The following EPHA6 variants were observed in gnomAD, a reference collection of about 807,000 sequenced individuals.
The protein encoded by EPHA6 is ephrin type-A receptor 6.
A neutral mutation model predicts 112.0 loss-of-function variants in EPHA6; 50 were observed. The ratio of observed to expected loss-of-function variants is 0.45; its 90% CI spans 0.36 to 0.56. The LOEUF (loss-of-function observed/expected upper bound fraction) is 0.56. EPHA6 is among the 20% of genes least tolerant of loss of function. EPHA6 has a pLI of 0.00. For synonymous variants in EPHA6, 529 were observed against 490.7 expected, an observed-to-expected ratio of 1.08 and a Z score of -1.03; for missense variants, 1,280 against 1,417.4, an observed-to-expected ratio of 0.90 and a Z score of 1.56.
intron 11 of EPHA6, among the ~76,000 whole-genome samples, chr3:97,566,954 G>A (rs1333312481): frequency 3.3e-5 from 5 of 152,188 alleles, no homozygotes; most frequent in African/African-American, 9.7e-5. Context: ...GAATGGAGGA[G>A]TAGATTTAAA....
intron 3 of EPHA6, among the ~76,000 whole-genome samples, chr3:97,047,517 A>AG (rs1315330325): frequency 7.3e-5 from 11 of 150,602 alleles, no homozygotes; most frequent in Non-Finnish European, 1.6e-4. Flanking sequence ...AAAAAAAAAA[A>AG]AAAAGAAACC....
intron 3 of EPHA6, among the ~76,000 whole-genome samples, chr3:97,172,487 C>T (rs1289250906): frequency 1.3e-5 from 2 of 152,004 alleles, no homozygotes; most frequent in Non-Finnish European, 2.9e-5. Context: ...GATTCTTACT[C>T]ATTCTAAAAT....
chr3:97,106,556 T>A (rs1356652020), intron 3 of EPHA6, among the ~76,000 whole-genome samples: 2 of 152,144 alleles, frequency 1.3e-5, no homozygotes, highest in African/African-American at 2.4e-5. Flanking sequence ...GAGCTACTTT[T>A]ACTCAGTAAA....
chr3:97,489,651 A>G (rs976687519), intron 10 of EPHA6, among the ~76,000 whole-genome samples: 1 of 150,860 alleles, frequency 6.6e-6, no homozygotes, highest in African/African-American at 2.4e-5. Context: ...GCACCACTGC[A>G]CTCCAGCCTG....
At chr3:97,747,110 G>A (rs2035748999) in intron 16 of EPHA6, among the ~76,000 whole-genome samples, 1 of 151,704 alleles carries the variant, frequency 6.6e-6, no homozygotes, top group African/African-American at 2.4e-5. Context: ...ATAAGAAGAA[G>A]GGGGATAGCA....
At chr3:97,226,182 T>C (rs1448618647) in intron 3 of EPHA6, 82 bp from the exon 4 acceptor site, 2 of 1,121,798 alleles carry the variant, frequency 1.8e-6, no homozygotes, top group Non-Finnish European at 2.5e-6. Flanking sequence ...AATGTGAATA[T>C]AAATTAAAGT....
chr3:96,834,054 TCTG>T (rs1164576906), intron 1 of EPHA6, among the ~76,000 whole-genome samples: 1 of 152,086 alleles, frequency 6.6e-6, no homozygotes, highest in Non-Finnish European at 1.5e-5. Flanking sequence ...TATAAATTAA[TCTG>T]AGTTGATTTA....
intron 3 of EPHA6, among the ~76,000 whole-genome samples, chr3:97,067,332 T>C (rs2108144063): frequency 6.6e-6 from 1 of 152,222 alleles, no homozygotes; most frequent in African/African-American, 2.4e-5. Context: ...TAAAAGACAA[T>C]CTGTGTTCTA....
Position 97,638,014 on chromosome 3 carries a change from T to C in EPHA6, c.2716T>C (p.Cys906Arg). ...TATACTGGTCAATAGCAACTTAGTA[T>C]GCAAAGTTTCTGATTTTGGTCTCTC... ...RNILVNSNLV[C>R]KVSDFGLSRV... Residue 906 changes from cysteine (C) to arginine (R), a missense_variant, in exon 14 of 18, where the codon TGC (cysteine) becomes CGC (arginine). By Grantham distance (180) the Cys-to-Arg change is radical. Around this residue, in one of 4 missense-constraint regions of EPHA6, gnomAD observed 878 missense variants for 999.7 expected, o/e 0.88. Coordinates refer to ENST00000389672, the MANE Select transcript of EPHA6 (RefSeq NM_001080448.3). The C allele has an allele frequency of 6.2e-7, 1 of 1,613,950 alleles. No homozygotes were observed. The highest frequency in any genetic ancestry group is 8.5e-7 in the Non-Finnish European group (1 of 1,179,854).
At chr3:97,701,514 T>C (rs2033387198) in intron 14 of EPHA6, among the ~76,000 whole-genome samples, 1 of 152,134 alleles carries the variant, frequency 6.6e-6, no homozygotes, top group Non-Finnish European at 1.5e-5. Context: ...ATATCTGATA[T>C]CTAATACATA....
chr3:97,096,294 T>C (rs1044434268), intron 3 of EPHA6, among the ~76,000 whole-genome samples: 21 of 140,538 alleles, frequency 1.5e-4, no homozygotes, highest in Non-Finnish European at 2.3e-4. Flanking sequence ...CACACACACA[T>C]ATATATACAT....
intron 11 of EPHA6, chr3:97,559,561 TACCCTACTC>T: frequency 2.2e-6 from 1 of 451,240 alleles, no homozygotes; most frequent in Admixed American, 2.4e-5. Flanking sequence ...CTGTGTTGCC[TACCCTACTC>T]ACTTCTTTCT....
chr3:97,108,836 G>A (rs2047641482), intron 3 of EPHA6, among the ~76,000 whole-genome samples: 1 of 152,132 alleles, frequency 6.6e-6, no homozygotes, highest in Non-Finnish European at 1.5e-5. Flanking sequence ...GTTAACATGT[G>A]TTCTAATGAT....
At chr3:97,432,493 T>C (rs1208106663) in intron 6 of EPHA6, among the ~76,000 whole-genome samples, 3 of 152,122 alleles carry the variant, frequency 2.0e-5, no homozygotes, top group Non-Finnish European at 4.4e-5. Flanking sequence ...TGTGTCTCAG[T>C]AATAAGATGA....
At chr3:97,072,872 C>A (rs1403709363) in intron 3 of EPHA6, among the ~76,000 whole-genome samples, 4 of 152,014 alleles carry the variant, frequency 2.6e-5, no homozygotes, top group Admixed American at 1.3e-4. Flanking sequence ...TTAGATTTTC[C>A]CATTGGGATA....
In EPHA6 at chr3:97,748,650, G is replaced by C. The variant is rs1576399619; in HGVS notation, c.3342G>C (p.Gln1114His). ...AGAGACGAATAGTCAGCAGCATACA[G>C]ACTTTACGTTTACACATGATGCACA... is the stretch of plus-strand genomic sequence containing the variant. ...GHQRRIVSSIQTLRLHMMHIQ... is the reference protein window; with the variant it reads ...GHQRRIVSSIHTLRLHMMHIQ... The change falls in exon 18 of 18, where the codon CAG becomes CAC. Residue 1114 changes from glutamine (Q) to histidine (H), a missense_variant. Gln to His is a conservative substitution (Grantham distance 24). This residue lies in a region of EPHA6 where 145 missense variants were observed against 153.3 expected (regional missense o/e 0.95). Coordinates refer to ENST00000389672, the MANE Select transcript of EPHA6 (RefSeq NM_001080448.3). 1 of 1,612,528 alleles carries C rather than the reference G, an allele frequency of 6.2e-7. No homozygotes were observed. The highest frequency in any genetic ancestry group is 2.2e-5 in the East Asian group (1 of 44,856).
chr3:97,316,902 T>C (rs2081868792), intron 5 of EPHA6, among the ~76,000 whole-genome samples: 1 of 151,910 alleles, frequency 6.6e-6, no homozygotes, highest in Admixed American at 6.6e-5. Flanking sequence ...TAATTAGCTG[T>C]ATGATCTTGG....
At position 97,713,261 on chromosome 3, in the gene EPHA6, A is replaced by C. The variant is rs79264558; in HGVS notation, c.2785-7000A>C. On this transcript the variant is annotated intron_variant, in intron 14 of 17. Transcript: ENST00000389672. The stretch of plus-strand genomic sequence containing the variant: ...ACAAAATAAAAATAACTTAGCCATG[A>C]AAAGCCTAAATTCAGACCTTTTTCA... Among the ~76,000 whole-genome samples the C allele has an allele frequency of 7.3e-3, 1,108 of 152,290 alleles. 16 individuals are homozygous for C. Among genetic ancestry groups the C allele is most frequent in the African/African-American group, 0.026 (1,064 of 41,556 alleles).
chr3:97,734,486 A>G (rs2035172957), intron 15 of EPHA6, among the ~76,000 whole-genome samples: 1 of 152,056 alleles, frequency 6.6e-6, no homozygotes, highest in Admixed American at 6.6e-5. Context: ...GTGAATAGAA[A>G]AATGCTAGCA....
Sources: gnomAD v4.1 joint callset for allele counts (sites outside exome capture counted in the v4.1 genomes callset) on GRCh38, gnomAD v4.1.1 for gene constraint, gnomAD v4.1.1 regional missense constraint, MANE v1.5 for transcripts, NCBI Gene and HGNC (gene_info 2026-07-23, HGNC 2026-07-21) for gene names.